PDIK1L: variants seen among roughly 807,000 people sequenced by gnomAD.
PDIK1L encodes the protein serine/threonine-protein kinase PDIK1L.
In PDIK1L, 9 loss-of-function variants were observed where a neutral mutation model predicts 27.1. That is an observed-to-expected ratio of 0.33 (90% CI 0.20 to 0.58). The LOEUF is 0.58. PDIK1L is among the 20% of genes least tolerant of loss of function. The probability of loss-of-function intolerance (pLI) is 0.86; values close to 1 mark genes in which losing one functional copy is unlikely to be tolerated. For synonymous variants in PDIK1L, 130 were observed against 141.7 expected, an observed-to-expected ratio of 0.92 and a Z score of 0.59; for missense variants, 216 against 413.2, an observed-to-expected ratio of 0.52 and a Z score of 4.14.
chr1:26,120,465 G>A (rs1047416302), intron 2 of PDIK1L, among the ~76,000 whole-genome samples: 4 of 152,172 alleles, frequency 2.6e-5, no homozygotes, highest in Non-Finnish European at 5.9e-5. Context: ...GCAGATCATC[G>A]CAATTACTAT....
chr1:26,123,143 C>A lies in PDIK1L; in HGVS notation c.*566C>A, dbSNP rs1040203204. On this transcript the variant is annotated 3_prime_UTR_variant, in exon 3 of 3. Coordinates refer to ENST00000374269, the MANE Select transcript of PDIK1L (RefSeq NM_152835.5). ...ATAAACCTTCCCTTATCTTCCTACTCTGCCCCTCCCCCTAATGAAATCATA... is the reference window on the plus strand; with the variant it reads ...ATAAACCTTCCCTTATCTTCCTACTATGCCCCTCCCCCTAATGAAATCATA... 1 of 149,960 alleles carries A rather than the reference C, an allele frequency of 6.7e-6. No homozygotes were observed. Among genetic ancestry groups the A allele is most frequent in the Admixed American group, 6.7e-5 (1 of 15,030 alleles). 9.3% of individuals were successfully genotyped at this position (149,960 alleles called of 1,614,324 possible). A position where few individuals can be genotyped will look rare whatever the true frequency, so the allele number is the denominator to read the frequency against.
In PDIK1L at chr1:26,114,034, G is replaced by A. The variant is rs2087841919; in HGVS notation, c.-17-258G>A. ...TTTCATCTATAAAAAGACCATAATAGTATCTATCTCATCAGATTATTATGA... is the reference window on the plus strand; with the variant it reads ...TTTCATCTATAAAAAGACCATAATAATATCTATCTCATCAGATTATTATGA... On this transcript the variant is annotated intron_variant, in intron 1 of 2. Transcript: ENST00000374269. The surrounding 1 kb of genome is among the most constrained non-coding windows in gnomAD (Gnocchi z 4.8). Among the ~76,000 whole-genome samples, 1 of 152,098 alleles carries A rather than the reference G, an allele frequency of 6.6e-6. No individual in the cohort carries two copies. Among genetic ancestry groups the A allele is most frequent in the Non-Finnish European group, 1.5e-5 (1 of 68,038 alleles).
At chr1:26,112,057 C>T (rs1272596950) in intron 1 of PDIK1L, 142 bp downstream of exon 1, 1 of 152,490 alleles carries the variant, frequency 6.6e-6, no homozygotes, top group African/African-American at 2.4e-5. Context: ...AGGCCACCGA[C>T]CCCAGTCGCG....
rs2087995109 is a variant in PDIK1L, at chr1:26,121,883, G to A, written c.332G>A (p.Ser111Asn). The change falls in exon 3 of 3, where the codon AGC becomes AAC. Residue 111 changes from serine to asparagine, a missense_variant. Physicochemically the swap from Ser to Asn is conservative, Grantham distance 46. Around this residue, in one of 2 missense-constraint regions of PDIK1L, gnomAD observed 169 missense variants for 366.0 expected, o/e 0.46. Coordinates refer to ENST00000374269, the MANE Select transcript of PDIK1L (RefSeq NM_152835.5). The stretch of plus-strand genomic sequence containing the variant: ...GGAGAAATTGCCTTTGATCCCAGAA[G>A]CGCCTATTATTTGTGGTTTGTGATG... ...LKGEIAFDPR[S>N]AYYLWFVMDF... is the part of the protein sequence containing the mutation. The A allele has an allele frequency of 6.2e-7, 1 of 1,613,188 alleles. No individual in the cohort carries two copies. Among genetic ancestry groups the A allele is most frequent in the Non-Finnish European group, 8.5e-7 (1 of 1,179,718 alleles).
intron 2 of PDIK1L, among the ~76,000 whole-genome samples, chr1:26,117,417 A>G (rs17184877): frequency 3.0e-4 from 46 of 152,210 alleles, no homozygotes; most frequent in Middle Eastern, 6.8e-3. Context: ...AGTGCTTATT[A>G]TGTAAGTTGA....
At chr1:26,116,950 A>G (rs2087886716) in intron 2 of PDIK1L, among the ~76,000 whole-genome samples, 1 of 149,420 alleles carries the variant, frequency 6.7e-6, no homozygotes, top group Non-Finnish European at 1.5e-5. Flanking sequence ...TTCTGACCTC[A>G]GGTGATCCAC....
intron 2 of PDIK1L, among the ~76,000 whole-genome samples, chr1:26,121,356 T>C (rs1490625499): frequency 6.6e-6 from 1 of 152,224 alleles, no homozygotes; most frequent in East Asian, 1.9e-4. Context: ...TCCTTGATCA[T>C]TTTTCTCTCG....
At chr1:26,112,334 C>T (rs2087811760) in intron 1 of PDIK1L, 1 of 152,250 alleles carries the variant, frequency 6.6e-6, no homozygotes, top group South Asian at 2.1e-4. Flanking sequence ...CGTCCCAGCG[C>T]CTGGTTAGAG....
intron 1 of PDIK1L, among the ~76,000 whole-genome samples, chr1:26,113,634 A>G (rs2087835292): frequency 6.6e-6 from 1 of 152,194 alleles, no homozygotes; most frequent in African/African-American, 2.4e-5. Context: ...ACTTTTACAT[A>G]ATGAAAACAA....
chr1:26,124,977 G>A lies in PDIK1L; in HGVS notation c.*2400G>A, dbSNP rs1457237509. On this transcript the variant is annotated 3_prime_UTR_variant, in exon 3 of 3. Transcript: ENST00000374269. ...AGCAAAACTTCGTACACAGTGCCTT[G>A]CCCATAATAGGTACTCAATAAGCAA... The A allele has an allele frequency of 6.6e-6, 1 of 152,600 alleles. No individual in the cohort carries two copies. Among genetic ancestry groups the A allele is most frequent in the Non-Finnish European group, 1.5e-5 (1 of 68,014 alleles). 9.5% of individuals were successfully genotyped at this position (152,600 alleles called of 1,614,324 possible).
rs2088008477 is a variant in PDIK1L, at chr1:26,122,670, A to G, written c.*93A>G. ...GCTGAAAAAGAATATAAAAAGCTAG[A>G]CTCTACCCTCTAAGGGTTTAGATTT... On this transcript the variant is annotated 3_prime_UTR_variant, in exon 3 of 3. Coordinates refer to ENST00000374269, the MANE Select transcript of PDIK1L (RefSeq NM_152835.5). This position sits in a 1 kb window ranked among gnomAD's most constrained non-coding sequence, Gnocchi z 5.4. 5 of 1,429,888 alleles carry G rather than the reference A, an allele frequency of 3.5e-6. No individual in the cohort carries two copies. The highest frequency in any genetic ancestry group is 2.4e-5 in the Admixed American group (1 of 42,234). The allele number at this position is 1,429,888 out of a possible 1,614,324, so 88.6% of individuals were successfully genotyped here. A position where few individuals can be genotyped will look rare whatever the true frequency, so the allele number is the denominator to read the frequency against.
In PDIK1L at chr1:26,124,709, T is replaced by C. The variant is rs919491168; in HGVS notation, c.*2132T>C. 1.3e-5 allele frequency: 2 copies of C among 152,220 alleles called. No individual in the cohort carries two copies. Among genetic ancestry groups the C allele is most frequent in the South Asian group, 4.1e-4 (2 of 4,834 alleles). The allele number at this position is 152,220 out of a possible 1,614,324, so 9.4% of individuals were successfully genotyped here. On this transcript the variant is annotated 3_prime_UTR_variant, in exon 3 of 3. Coordinates refer to ENST00000374269, the MANE Select transcript of PDIK1L (RefSeq NM_152835.5). ...GGTATGAGGTGATCAGGAAGTTTCT[T>C]CTGGAATTTTATCAAGTCCTTGTAT...
In PDIK1L at chr1:26,114,755, C is replaced by G. The variant is rs1424155530; in HGVS notation, c.285+162C>G. On this transcript the variant is annotated intron_variant, in intron 2 of 2. Transcript: ENST00000374269. The surrounding 1 kb of genome is among the most constrained non-coding windows in gnomAD (Gnocchi z 4.8). Reference sequence around the variant, plus strand: ...AATTGAGTAGATGTTTGCTTTAAAACAAGGTTTTATTTAAACCTGTGAGGC... The same window carrying G: ...AATTGAGTAGATGTTTGCTTTAAAAGAAGGTTTTATTTAAACCTGTGAGGC... Among the ~76,000 whole-genome samples the G allele has an allele frequency of 6.6e-6, 1 of 152,174 alleles. No homozygotes were observed. Among genetic ancestry groups the G allele is most frequent in the Non-Finnish European group, 1.5e-5 (1 of 68,028 alleles).
Position 26,114,268 on chromosome 1 carries a change from A to C in PDIK1L, c.-17-24A>C, listed in dbSNP as rs1414900895. The C allele has an allele frequency of 6.3e-7, 1 of 1,579,610 alleles. No homozygotes were observed. Among genetic ancestry groups the C allele is most frequent in the South Asian group, 1.2e-5 (1 of 86,598 alleles). On this transcript the variant is annotated intron_variant, in intron 1 of 2. Transcript: ENST00000374269. The surrounding 1 kb of genome is among the most constrained non-coding windows in gnomAD (Gnocchi z 4.8). Reference sequence around the variant, plus strand: ...GCCAGTAGGTATACATAATTTCAACAGAGCACTTTGTTGATTTTTCCAGAA... The same window carrying C: ...GCCAGTAGGTATACATAATTTCAACCGAGCACTTTGTTGATTTTTCCAGAA...
chr1:26,114,707 G>C lies in PDIK1L; in HGVS notation c.285+114G>C. ...CTTTAAATGCAGGTGTTTGTAGTTA[G>C]AAGTAGATAAGTGTCTGCCAAGAAT... On this transcript the variant is annotated intron_variant, in intron 2 of 2. Transcript: ENST00000374269. The surrounding 1 kb of genome is among the most constrained non-coding windows in gnomAD (Gnocchi z 4.8). The C allele has an allele frequency of 8.4e-7, 1 of 1,187,482 alleles. No individual in the cohort carries two copies. The allele number at this position is 1,187,482 out of a possible 1,614,324, so 73.6% of individuals were successfully genotyped here. A position where few individuals can be genotyped will look rare whatever the true frequency, so the allele number is the denominator to read the frequency against.
Position 26,122,246 on chromosome 1 carries a change from G to A in PDIK1L, c.695G>A (p.Gly232Glu). 1 of 1,614,192 alleles carries A rather than the reference G, an allele frequency of 6.2e-7. No individual in the cohort carries two copies. The highest frequency in any genetic ancestry group is 8.5e-7 in the Non-Finnish European group (1 of 1,180,036). The change falls in exon 3 of 3, where the codon GGA (glycine) becomes GAA (glutamate). Residue 232 changes from glycine (G) to glutamate (E), a missense_variant. Gly to Glu is a moderately conservative substitution (Grantham distance 98). Transcript: ENST00000374269. The surrounding 1 kb of genome is among the most constrained non-coding windows in gnomAD (Gnocchi z 5.4). ...TACATGGCTCCTGAAGTTTGGGAAG[G>A]ACATTACACAGCAAAAGCTGACATC... ...DFYMAPEVWE[G>E]HYTAKADIFA... is the part of the protein sequence containing the mutation.
At chr1:26,118,847 C>G (rs1161465353) in intron 2 of PDIK1L, among the ~76,000 whole-genome samples, 1 of 152,198 alleles carries the variant, frequency 6.6e-6, no homozygotes, top group Non-Finnish European at 1.5e-5. Flanking sequence ...ACCTCAGAGT[C>G]CCTATGCATG....
At chr1:26,116,462 C>A (rs1208599100) in intron 2 of PDIK1L, among the ~76,000 whole-genome samples, 1 of 152,212 alleles carries the variant, frequency 6.6e-6, no homozygotes, top group Admixed American at 6.5e-5. Flanking sequence ...TTGCAGTGAA[C>A]TGACATCATG....
At chr1:26,119,194 G>A (rs2087932094) in intron 2 of PDIK1L, among the ~76,000 whole-genome samples, 1 of 151,654 alleles carries the variant, frequency 6.6e-6, no homozygotes, top group African/African-American at 2.4e-5. Context: ...AATCACTTGA[G>A]TGCAGAAGTT....
Sources: allele counts gnomAD v4.1 joint callset (sites outside exome capture counted in the v4.1 genomes callset), GRCh38; gene constraint gnomAD v4.1.1; regional missense constraint gnomAD v4.1.1; non-coding constraint Gnocchi (gnomAD v3.1); transcripts MANE v1.5; gene names NCBI Gene and HGNC (gene_info 2026-07-23, HGNC 2026-07-21).